The following LYN variants were observed in gnomAD, a reference collection of about 807,000 sequenced individuals.
LYN encodes the protein LYN proto-oncogene, Src family tyrosine kinase.
LYN carries 12 observed loss-of-function variants against 65.0 expected under a neutral mutation model. That is an observed-to-expected ratio of 0.18 (90% CI 0.12 to 0.30). The LOEUF (loss-of-function observed/expected upper bound fraction) is 0.30. Among genes scored for constraint, LYN ranks in the 10% least tolerant of loss-of-function variants. The probability of loss-of-function intolerance (pLI) is 1.00; values close to 1 mark genes in which losing one functional copy is unlikely to be tolerated. For missense variants in LYN, 380 were observed against 623.2 expected (o/e 0.61, Z 4.16); for synonymous variants, 222 against 221.2 (o/e 1.00, Z -0.03).
chr8:55,931,027 G>C (rs1806253916), intron 1 of LYN, among the ~76,000 whole-genome samples: 1 of 151,082 alleles, frequency 6.6e-6, no homozygotes, highest in Non-Finnish European at 1.5e-5. Context: ...ATCTTATTTT[G>C]CTTCAAAATT....
intron 1 of LYN, among the ~76,000 whole-genome samples, chr8:55,904,032 G>A (rs1482840921): frequency 2.6e-5 from 4 of 151,944 alleles, no homozygotes; most frequent in African/African-American, 9.7e-5. Flanking sequence ...TATCATTTAT[G>A]TAGAGCTTGG....
intron 1 of LYN, among the ~76,000 whole-genome samples, chr8:55,935,530 T>C (rs1227040318): frequency 6.6e-6 from 1 of 152,076 alleles, no homozygotes; most frequent in East Asian, 1.9e-4. Context: ...TCCCAGCACT[T>C]TGGGAGGCCG....
At chr8:55,998,617 T>A in intron 11 of LYN, 118 bp downstream of exon 11, 1 of 889,304 alleles carries the variant, frequency 1.1e-6, no homozygotes, top group African/African-American at 1.7e-5. Flanking sequence ...GGTACAACAT[T>A]TAAGCTGTAC....
chr8:55,913,115 C>A (rs1563507720), intron 1 of LYN, among the ~76,000 whole-genome samples: 1 of 152,080 alleles, frequency 6.6e-6, no homozygotes, highest in Admixed American at 6.5e-5. Context: ...GCCTCATATC[C>A]AAAAACCTTT....
chr8:55,933,072 C>T (rs1222023246), intron 1 of LYN, among the ~76,000 whole-genome samples: 1 of 152,128 alleles, frequency 6.6e-6, no homozygotes, highest in African/African-American at 2.4e-5. Context: ...TTGCAACATA[C>T]CCATGTAACA....
intron 6 of LYN, among the ~76,000 whole-genome samples, chr8:55,951,630 A>G (rs933371627): frequency 1.3e-5 from 2 of 151,512 alleles, no homozygotes; most frequent in Non-Finnish European, 2.9e-5. Flanking sequence ...GTGCCACTCT[A>G]CTCTAGCCTG....
chr8:55,899,300 C>G lies in LYN; in HGVS notation c.-6+19197C>G, dbSNP rs535332708. On this transcript the variant is annotated intron_variant, in intron 1 of 12. Coordinates refer to ENST00000519728, the MANE Select transcript of LYN (RefSeq NM_002350.4). ...ATGCTTGGGGATAATAAATATTATG[C>G]TCACTTAACTACTAAGTAAATGGAA... Among the ~76,000 whole-genome samples, 20 of 152,200 alleles carry G rather than the reference C, an allele frequency of 1.3e-4. No homozygotes were observed. The South Asian group carries it at 3.1e-3, about 24-fold the overall frequency.
chr8:55,958,933 C>T (rs141635595), intron 8 of LYN, among the ~76,000 whole-genome samples: 1 of 152,248 alleles, frequency 6.6e-6, no homozygotes, highest in African/African-American at 2.4e-5. Context: ...GCACAGATAC[C>T]TCTCTGAGAC....
chr8:55,986,257 A>T (rs574803986), intron 10 of LYN, among the ~76,000 whole-genome samples: 2 of 151,728 alleles, frequency 1.3e-5, no homozygotes, highest in Non-Finnish European at 2.9e-5. Context: ...TCCTAGTGAC[A>T]TTACAAATAG....
chr8:55,934,407 G>A (rs1387851021), intron 1 of LYN, among the ~76,000 whole-genome samples: 1 of 152,170 alleles, frequency 6.6e-6, no homozygotes, highest in Non-Finnish European at 1.5e-5. Context: ...GTAGGTACAG[G>A]GTTGCTGCTG....
At chr8:55,923,517 T>C (rs1213639137) in intron 1 of LYN, among the ~76,000 whole-genome samples, 1 of 152,000 alleles carries the variant, frequency 6.6e-6, no homozygotes, top group African/African-American at 2.4e-5. Context: ...TACAGGAGAG[T>C]TTCAGTTAGT....
intron 8 of LYN, among the ~76,000 whole-genome samples, chr8:55,957,227 G>A (rs1302810121): frequency 6.6e-6 from 1 of 152,140 alleles, no homozygotes; most frequent in Non-Finnish European, 1.5e-5. Flanking sequence ...TATGCACCTG[G>A]GATGTTTCCC....
At chr8:55,882,562 T>C (rs1174368159) in intron 1 of LYN, among the ~76,000 whole-genome samples, 1 of 152,224 alleles carries the variant, frequency 6.6e-6, no homozygotes, top group East Asian at 1.9e-4. Context: ...ATCTCAGTGA[T>C]GCATGGATGA....
intron 1 of LYN, among the ~76,000 whole-genome samples, chr8:55,892,491 A>G (rs186901235): frequency 3.9e-5 from 6 of 152,302 alleles, no homozygotes; most frequent in African/African-American, 7.2e-5. Flanking sequence ...TGATACAGTT[A>G]TATTAATATT....
chr8:55,999,663 G>T (rs1331427181), intron 12 of LYN, 114 bp downstream of exon 12: 13 of 1,110,310 alleles, frequency 1.2e-5, no homozygotes, highest in Admixed American at 4.0e-5. Flanking sequence ...AAGAATAAGT[G>T]CTTTGAGCCA....
At chr8:55,996,868 G>T (rs1808383409) in intron 10 of LYN, among the ~76,000 whole-genome samples, 1 of 152,096 alleles carries the variant, frequency 6.6e-6, no homozygotes, top group South Asian at 2.1e-4. Flanking sequence ...GGTGGCTCAT[G>T]CCTGTAATTT....
intron 12 of LYN, among the ~76,000 whole-genome samples, 181 bp from the exon 13 acceptor site, chr8:56,009,727 G>A (rs919917223): frequency 1.3e-5 from 2 of 152,060 alleles, no homozygotes; most frequent in African/African-American, 4.8e-5. Context: ...GTGTACGCGG[G>A]GTTAGGACTT....
chr8:55,955,637 T>C (rs1807084926), intron 8 of LYN, among the ~76,000 whole-genome samples: 1 of 152,260 alleles, frequency 6.6e-6, no homozygotes. Context: ...AAAATGTTTT[T>C]ATCATCCCGA....
rs186269926 is a variant in LYN, at chr8:55,882,496, A to G, written c.-6+2393A>G. 1.5e-4 allele frequency among the ~76,000 whole-genome samples: 23 copies of G among 152,350 alleles called. No individual in the cohort carries two copies. The East Asian group carries it at 4.4e-3, about 29-fold the overall frequency. Reference sequence around the variant, plus strand: ...CCATACTAACTTTATAAATAAGGACACCATGTATACATGCCCACAGCAGGG... The same window carrying G: ...CCATACTAACTTTATAAATAAGGACGCCATGTATACATGCCCACAGCAGGG... On this transcript the variant is annotated intron_variant, in intron 1 of 12. Transcript: ENST00000519728.
Sources: gnomAD v4.1 joint callset for allele counts (sites outside exome capture counted in the v4.1 genomes callset) on GRCh38, gnomAD v4.1.1 for gene constraint, MANE v1.5 for transcripts, NCBI Gene and HGNC (gene_info 2026-07-23, HGNC 2026-07-21) for gene names.